Variants in GALNT2 observed in about 807,000 individuals in gnomAD.
GALNT2 encodes UDP-GalNAc:polypeptide N-acetylgalactosaminyltransferase 2.
In GALNT2, 31 loss-of-function variants were observed where a neutral mutation model predicts 81.4. That is an observed-to-expected ratio of 0.38 (90% CI 0.29 to 0.51). The LOEUF (loss-of-function observed/expected upper bound fraction) is 0.51, where lower values mean the gene tolerates loss of function less well. Among genes scored for constraint, GALNT2 ranks in the 20% least tolerant of loss-of-function variants. The pLI, the probability that GALNT2 is intolerant of heterozygous loss-of-function variation, is 0.87. For synonymous variants in GALNT2, 303 were observed against 287.4 expected (o/e 1.05, Z -0.55); for missense variants, 629 against 765.7 (o/e 0.82, Z 2.11).
intron 1 of GALNT2, among the ~76,000 whole-genome samples, chr1:230,100,906 A>G (rs1335922717): frequency 6.6e-6 from 1 of 152,236 alleles, no homozygotes; most frequent in Non-Finnish European, 1.5e-5. Context: ...AGGACGTTTC[A>G]GTTAACAGTA....
intron 6 of GALNT2, among the ~76,000 whole-genome samples, chr1:230,242,499 C>T (rs891950091): frequency 1.3e-5 from 2 of 152,102 alleles, no homozygotes; most frequent in South Asian, 2.1e-4. Context: ...ATGACCACAA[C>T]ATCCAGGGAT....
At chr1:230,089,612 C>A (rs1018485464) in intron 1 of GALNT2, among the ~76,000 whole-genome samples, 9 of 152,238 alleles carry the variant, frequency 5.9e-5, no homozygotes, top group Non-Finnish European at 1.2e-4. Flanking sequence ...GTTCTACCTT[C>A]TGTCTCTGTG....
chr1:230,058,690 C>T (rs888110087), intron 1 of GALNT2, among the ~76,000 whole-genome samples: 7 of 152,216 alleles, frequency 4.6e-5, no homozygotes, highest in Non-Finnish European at 1.0e-4. Flanking sequence ...TCAGGGCAAT[C>T]GATTCCTTTA....
upstream of GALNT2, among the ~76,000 whole-genome samples, chr1:230,064,097 T>C (rs1659109686): frequency 6.6e-6 from 1 of 152,352 alleles, no homozygotes. Flanking sequence ...TGATTTTTAT[T>C]TATATTTTTA....
chr1:230,201,558 T>C (rs1352036918), intron 2 of GALNT2, among the ~76,000 whole-genome samples: 2 of 152,198 alleles, frequency 1.3e-5, no homozygotes, highest in Non-Finnish European at 2.9e-5. Context: ...GATATGGAGG[T>C]ACACATGCTA....
At chr1:230,246,692 C>G (rs1194855973) in intron 8 of GALNT2, among the ~76,000 whole-genome samples, 1 of 152,116 alleles carries the variant, frequency 6.6e-6, no homozygotes, top group African/African-American at 2.4e-5. Context: ...TTTCTTGTAC[C>G]CCTCTTTCCC....
At chr1:230,238,087 A>T (rs1414317174) in intron 6 of GALNT2, among the ~76,000 whole-genome samples, 1 of 152,234 alleles carries the variant, frequency 6.6e-6, no homozygotes, top group Non-Finnish European at 1.5e-5. Context: ...GCCTATATGG[A>T]ACAGCTGAAG....
At chr1:230,106,078 G>A (rs1179733594) in intron 1 of GALNT2, among the ~76,000 whole-genome samples, 1 of 152,202 alleles carries the variant, frequency 6.6e-6, no homozygotes, top group African/African-American at 2.4e-5. Context: ...TTAACCACTT[G>A]GTGACACAGT....
chr1:230,237,192 C>T (rs985901252), intron 6 of GALNT2, among the ~76,000 whole-genome samples: 6 of 152,220 alleles, frequency 3.9e-5, no homozygotes, highest in East Asian at 1.9e-4. Flanking sequence ...ATGCCAACCT[C>T]GGAACCTTCT....
chr1:230,183,410 C>T (rs1663221284), intron 2 of GALNT2, among the ~76,000 whole-genome samples: 1 of 151,828 alleles, frequency 6.6e-6, no homozygotes, highest in South Asian at 2.1e-4. Context: ...CTGTATGATC[C>T]CATTTTCTCT....
At chr1:230,209,593 G>C (rs1486044187) in intron 3 of GALNT2, among the ~76,000 whole-genome samples, 1 of 152,224 alleles carries the variant, frequency 6.6e-6, no homozygotes, top group Non-Finnish European at 1.5e-5. Flanking sequence ...TGTAATCCCA[G>C]CACTTTGGGA....
intron 1 of GALNT2, among the ~76,000 whole-genome samples, chr1:230,127,331 T>G (rs1661216499): frequency 6.6e-6 from 1 of 152,130 alleles, no homozygotes; most frequent in Admixed American, 6.5e-5. Flanking sequence ...CCTTCATCCC[T>G]GTGGAAGACT....
intron 3 of GALNT2, among the ~76,000 whole-genome samples, chr1:230,203,903 T>C (rs533034206): frequency 2.7e-4 from 41 of 152,344 alleles, no homozygotes; most frequent in South Asian, 2.3e-3. Context: ...TAGCTCACTG[T>C]AACCTCAAAC....
In GALNT2 at chr1:230,257,730, C is replaced by T. The variant is rs529430657; in HGVS notation, c.1136+2386C>T. Among the ~76,000 whole-genome samples, 109 of 152,278 alleles carry T rather than the reference C, an allele frequency of 7.2e-4. No individual in the cohort carries two copies. The highest frequency in any genetic ancestry group is 2.5e-3 in the African/African-American group (104 of 41,532). Reference sequence around the variant, plus strand: ...TGTAGCAGTGGAGATGGGGTGAGATCCAGCTCCATGGTGAAGCAGGCAGCT... The same window carrying T: ...TGTAGCAGTGGAGATGGGGTGAGATTCAGCTCCATGGTGAAGCAGGCAGCT... On this transcript the variant is annotated intron_variant, in intron 11 of 15. Coordinates refer to ENST00000366672, the MANE Select transcript of GALNT2 (RefSeq NM_004481.5). The surrounding 1 kb of genome is among the most constrained non-coding windows in gnomAD (Gnocchi z 4.6).
intron 1 of GALNT2, among the ~76,000 whole-genome samples, chr1:230,078,489 A>G (rs1320448615): frequency 6.6e-6 from 1 of 152,270 alleles, no homozygotes; most frequent in Non-Finnish European, 1.5e-5. Context: ...TGATCGTATT[A>G]GTCCAGAGGT....
At chr1:230,270,193 T>A (rs1037159325) in intron 14 of GALNT2, among the ~76,000 whole-genome samples, 1 of 152,130 alleles carries the variant, frequency 6.6e-6, no homozygotes, top group East Asian at 1.9e-4. Flanking sequence ...AGTGTGAGAT[T>A]CTGTCTCAAA....
At position 230,275,354 on chromosome 1, in the gene GALNT2, A is replaced by G. The variant is rs1402790192; in HGVS notation, c.1560+790A>G. 6.6e-6 allele frequency among the ~76,000 whole-genome samples: 1 copy of G among 151,424 alleles called. No homozygotes were observed. Among genetic ancestry groups the G allele is most frequent in the African/African-American group, 2.4e-5 (1 of 41,176 alleles). On this transcript the variant is annotated intron_variant, in intron 15 of 15. Transcript: ENST00000366672. This position sits in a 1 kb window ranked among gnomAD's most constrained non-coding sequence, Gnocchi z 5.5. ...ACCACATATGTATACATATATATAC[A>G]TGCCACATATACATCTATAAACACC...
At chr1:230,263,148 C>T (rs1572152933) in intron 13 of GALNT2, 143 bp downstream of exon 13, 1 of 672,380 alleles carries the variant, frequency 1.5e-6, no homozygotes, top group Non-Finnish European at 2.6e-6. Context: ...TGGTCTCACT[C>T]CATGGTGTGG....
chr1:230,279,566 A>C lies in GALNT2; in HGVS notation c.*108A>C. 1 of 1,334,326 alleles carries C rather than the reference A, an allele frequency of 7.5e-7. No homozygotes were observed. Among genetic ancestry groups the C allele is most frequent in the African/African-American group, 1.5e-5 (1 of 68,794 alleles). 82.7% of individuals were successfully genotyped at this position (1,334,326 alleles called of 1,614,324 possible). A position where few individuals can be genotyped will look rare whatever the true frequency, so the allele number is the denominator to read the frequency against. On this transcript the variant is annotated 3_prime_UTR_variant, in exon 16 of 16. Transcript: ENST00000366672. The surrounding 1 kb of genome is among the most constrained non-coding windows in gnomAD (Gnocchi z 4.6). ...ACTTTCCGCGAAACTAATATACCTC[A>C]GTATTCCATCATGGTCTGAAAGTCA...
Sources: allele counts gnomAD v4.1 joint callset (sites outside exome capture counted in the v4.1 genomes callset), GRCh38; gene constraint gnomAD v4.1.1; non-coding constraint Gnocchi (gnomAD v3.1); transcripts MANE v1.5; gene names NCBI Gene and HGNC (gene_info 2026-07-23, HGNC 2026-07-21).